ADGRL3: variants seen among roughly 807,000 people sequenced by gnomAD.
The protein encoded by ADGRL3 is calcium-independent alpha-latrotoxin receptor 3.
In ADGRL3, 62 loss-of-function variants were observed where a neutral mutation model predicts 153.5. The observed-to-expected ratio is 0.40, with a 90% confidence interval of 0.33 to 0.50. The LOEUF is 0.50. ADGRL3 is among the 20% of genes least tolerant of loss of function. The pLI, the probability that ADGRL3 is intolerant of heterozygous loss-of-function variation, is 0.47. For synonymous variants in ADGRL3, 710 were observed against 672.5 expected (o/e 1.06, Z -0.86); for missense variants, 1,641 against 1,859.4 (o/e 0.88, Z 2.16).
intron 4 of ADGRL3, among the ~76,000 whole-genome samples, chr4:61,553,887 C>T (rs1050227767): frequency 6.6e-6 from 1 of 152,018 alleles, no homozygotes; most frequent in Admixed American, 6.6e-5. Context: ...TTTAAATTAG[C>T]TTATGCAAAT....
chr4:61,225,161 T>G (rs572237431), intron 1 of ADGRL3, among the ~76,000 whole-genome samples: 2 of 152,346 alleles, frequency 1.3e-5, no homozygotes, highest in East Asian at 3.9e-4. Context: ...TTTAGTAATT[T>G]GTACTCTGGT....
chr4:61,387,606 C>G (rs529591057), intron 2 of ADGRL3, among the ~76,000 whole-genome samples: 19 of 152,168 alleles, frequency 1.2e-4, no homozygotes, highest in Middle Eastern at 3.4e-3. Flanking sequence ...CTCCCATTTG[C>G]TTTTGAAAGA....
chr4:61,348,913 T>G (rs2095983143), intron 1 of ADGRL3, among the ~76,000 whole-genome samples: 1 of 151,968 alleles, frequency 6.6e-6, no homozygotes, highest in Non-Finnish European at 1.5e-5. Context: ...AATAATACAG[T>G]GTAAGTAAAG....
intron 2 of ADGRL3, among the ~76,000 whole-genome samples, chr4:61,443,269 A>G (rs2097546372): frequency 6.6e-6 from 1 of 152,186 alleles, no homozygotes; most frequent in South Asian, 2.1e-4. Flanking sequence ...TCTATTTTAA[A>G]AAGTTAAATG....
At chr4:61,205,181 G>A (rs1252505674) in intron 1 of ADGRL3, among the ~76,000 whole-genome samples, 6 of 152,108 alleles carry the variant, frequency 3.9e-5, no homozygotes, top group Non-Finnish European at 8.8e-5. Context: ...CAAATAATAT[G>A]ATGCAAAACT....
At chr4:61,753,310 T>TC (rs2096780367) in intron 8 of ADGRL3, among the ~76,000 whole-genome samples, 1 of 151,916 alleles carries the variant, frequency 6.6e-6, no homozygotes, top group Non-Finnish European at 1.5e-5. Context: ...CAGAAGGCAG[T>TC]CACTCAGGAT....
chr4:61,355,914 G>A (rs1458954408), intron 1 of ADGRL3, among the ~76,000 whole-genome samples: 1 of 151,984 alleles, frequency 6.6e-6, no homozygotes, highest in Admixed American at 6.6e-5. Context: ...TAATCTTGAA[G>A]CTCTTAATGT....
chr4:61,260,298 ACC>A (rs1264101332), intron 1 of ADGRL3, among the ~76,000 whole-genome samples: 4 of 152,214 alleles, frequency 2.6e-5, no homozygotes, highest in African/African-American at 9.6e-5. Flanking sequence ...AAAGTATTTA[ACC>A]AAGTGCTGTT....
chr4:61,396,206 A>C (rs1272929449), intron 2 of ADGRL3, among the ~76,000 whole-genome samples: 2 of 152,008 alleles, frequency 1.3e-5, no homozygotes, highest in Non-Finnish European at 2.9e-5. Flanking sequence ...TAGATGTAGC[A>C]GAAAGTGAAC....
At chr4:61,329,719 G>C (rs1421758168) in intron 1 of ADGRL3, among the ~76,000 whole-genome samples, 2 of 152,078 alleles carry the variant, frequency 1.3e-5, no homozygotes, top group South Asian at 4.2e-4. Context: ...ACAGTTTTGT[G>C]TTGTCTTTTT....
chr4:62,037,742 G>T lies in ADGRL3; in HGVS notation c.3603G>T (p.Glu1201Asp), dbSNP rs766161871. 6.2e-7 allele frequency: 1 copy of T among 1,613,738 alleles called. No individual in the cohort carries two copies. The highest frequency in any genetic ancestry group is 2.2e-5 in the East Asian group (1 of 44,820). Reference protein sequence around the residue: ...HCVLQKKVRKEYGKCLRTHCC... With the variant: ...HCVLQKKVRKDYGKCLRTHCC... ...ATTTAATTGGCTAGGTACGAAAAGA[G>T]TATGGGAAATGCCTGCGAACACATT... Residue 1201 changes from glutamate (E) to aspartate (D), a missense_variant, in exon 24 of 27, where the codon GAG becomes GAT. By Grantham distance (45) the Glu-to-Asp change is conservative. Around this residue, in one of 5 missense-constraint regions of ADGRL3, gnomAD observed 517 missense variants for 555.0 expected, o/e 0.93. Transcript: ENST00000683033.
At chr4:61,689,252 G>A (rs1445318253) in intron 6 of ADGRL3, among the ~76,000 whole-genome samples, 1 of 152,016 alleles carries the variant, frequency 6.6e-6, no homozygotes. Context: ...TATATAACAA[G>A]CCTCTCCCTC....
chr4:61,258,904 C>T (rs943196228), intron 1 of ADGRL3, among the ~76,000 whole-genome samples: 3 of 152,070 alleles, frequency 2.0e-5, no homozygotes, highest in Non-Finnish European at 4.4e-5. Flanking sequence ...TAAAAATAAC[C>T]CTTATTTACT....
intron 2 of ADGRL3, among the ~76,000 whole-genome samples, chr4:61,455,616 AG>A (rs2097725765): frequency 6.6e-6 from 1 of 152,060 alleles, no homozygotes; most frequent in Non-Finnish European, 1.5e-5. Context: ...TTATATTTAT[AG>A]TCTGCAACTA....
At chr4:61,355,440 T>C (rs2151394868) in intron 1 of ADGRL3, among the ~76,000 whole-genome samples, 1 of 152,172 alleles carries the variant, frequency 6.6e-6, no homozygotes, top group East Asian at 1.9e-4. Context: ...TTCACGGAGA[T>C]AGTTGACTCC....
In ADGRL3 at chr4:61,656,313, A is replaced by T. The variant is rs137868331; in HGVS notation, c.474-20513A>T. On this transcript the variant is annotated intron_variant, in intron 5 of 26. Transcript: ENST00000683033. ...CTATATGAAGCTAAACTTATATGTG[A>T]CCATTTGTTGAGTGAAAAAGAAAAG... Among the ~76,000 whole-genome samples the T allele has an allele frequency of 1.4e-3, 210 of 152,198 alleles. 1 individual carries two copies. The highest frequency in any genetic ancestry group is 2.5e-3 in the Non-Finnish European group (169 of 67,996).
chr4:61,564,725 T>C (rs773620099), intron 4 of ADGRL3, among the ~76,000 whole-genome samples: 3 of 152,224 alleles, frequency 2.0e-5, no homozygotes, highest in Non-Finnish European at 2.9e-5. Flanking sequence ...TAATCATTCC[T>C]AGCTTTAGTT....
intron 1 of ADGRL3, among the ~76,000 whole-genome samples, chr4:61,262,323 A>G (rs186885338): frequency 6.6e-6 from 1 of 152,284 alleles, no homozygotes; most frequent in East Asian, 1.9e-4. Flanking sequence ...CCCTTTCAAA[A>G]TTAGAAAATA....
intron 2 of ADGRL3, among the ~76,000 whole-genome samples, chr4:61,400,684 A>T (rs1042503321): frequency 3.3e-5 from 5 of 151,782 alleles, no homozygotes; most frequent in African/African-American, 1.2e-4. Context: ...ACAAGTTAGG[A>T]CATTCAGAAT....
Sources: gnomAD v4.1 joint callset for allele counts (sites outside exome capture counted in the v4.1 genomes callset) on GRCh38, gnomAD v4.1.1 for gene constraint, gnomAD v4.1.1 regional missense constraint, MANE v1.5 for transcripts, NCBI Gene and HGNC (gene_info 2026-07-23, HGNC 2026-07-21) for gene names.